The following SUN3 variants were observed in gnomAD, a reference collection of about 807,000 sequenced individuals.
The protein encoded by SUN3 is SUN domain-containing protein 3.
Under a neutral mutation model 48.2 loss-of-function variants are expected in SUN3, and 36 were observed. The observed-to-expected ratio is 0.75, with a 90% CI of 0.57 to 0.99. SUN3 has a LOEUF of 0.99. Ranked by LOEUF, SUN3 falls within the 50% of genes least tolerant of loss-of-function variation. SUN3 has a pLI of 0.00. For missense variants in SUN3, 419 were observed against 433.1 expected (o/e 0.97, Z 0.29); for synonymous variants, 148 against 147.9 (o/e 1.00, Z 0.00).
intron 6 of SUN3, among the ~76,000 whole-genome samples, chr7:47,999,709 A>G (rs756881812): frequency 6.6e-6 from 1 of 151,782 alleles, no homozygotes; most frequent in Admixed American, 6.6e-5. Flanking sequence ...GCTGTTTTGT[A>G]TTTTTAGTAC....
upstream of SUN3, among the ~76,000 whole-genome samples, chr7:48,033,826 C>T (rs1218452877): frequency 3.3e-5 from 5 of 152,104 alleles, no homozygotes; most frequent in African/African-American, 7.2e-5. Flanking sequence ...GAGGCCGAGG[C>T]AGGTGGATCA....
chr7:47,991,654 A>G (rs927388560), intron 8 of SUN3, among the ~76,000 whole-genome samples: 22 of 152,214 alleles, frequency 1.4e-4, no homozygotes, highest in African/African-American at 5.3e-4. Flanking sequence ...AAAAACCAAA[A>G]AGTGAAGATG....
chr7:48,003,587 C>G (rs911791912), intron 6 of SUN3, among the ~76,000 whole-genome samples: 1 of 152,102 alleles, frequency 6.6e-6, no homozygotes. Flanking sequence ...TTTCTTTAAG[C>G]AATGGTTTAT....
At chr7:47,997,869 T>C (rs1028566667) in intron 6 of SUN3, among the ~76,000 whole-genome samples, 1 of 152,262 alleles carries the variant, frequency 6.6e-6, no homozygotes, top group African/African-American at 2.4e-5. Flanking sequence ...GCTACTTTCA[T>C]TTAGCCAATG....
chr7:48,031,348 G>A (rs778228994), upstream of SUN3, among the ~76,000 whole-genome samples: 12 of 152,302 alleles, frequency 7.9e-5, no homozygotes, highest in East Asian at 5.8e-4. Flanking sequence ...CCTCACAGCT[G>A]TTAGGATGGC....
At chr7:48,018,705 G>A (rs1392014791) in intron 2 of SUN3, 1 of 152,854 alleles carries the variant, frequency 6.5e-6, no homozygotes, top group Non-Finnish European at 1.5e-5. Flanking sequence ...CAAACCCTGG[G>A]GAAGAGGGAA....
intron 7 of SUN3, among the ~76,000 whole-genome samples, chr7:47,995,174 G>A (rs1789173881): frequency 1.3e-5 from 2 of 151,462 alleles, no homozygotes; most frequent in Non-Finnish European, 2.9e-5. Context: ...GGTGGTGACA[G>A]TGATAGTGGT....
chr7:47,996,688 A>G (rs1753380474), intron 6 of SUN3, among the ~76,000 whole-genome samples: 1 of 152,098 alleles, frequency 6.6e-6, no homozygotes, highest in Non-Finnish European at 1.5e-5. Context: ...TTTATACAGA[A>G]TAAATAAAGA....
intron 8 of SUN3, among the ~76,000 whole-genome samples, chr7:47,990,403 A>G (rs1163865548): frequency 6.6e-6 from 1 of 151,788 alleles, no homozygotes. Flanking sequence ...TCTCTCCACT[A>G]TTACCCTATT....
Position 47,989,607 on chromosome 7 carries a change from C to A in SUN3, c.862-727G>T, listed in dbSNP as rs537055646. On this transcript the variant is annotated intron_variant, in intron 8 of 9. Coordinates refer to ENST00000297325, the MANE Select transcript of SUN3 (RefSeq NM_001030019.2). ...CATTTTATAATAAAAATATTAATATCAAACTATAACATTTTTATTAAAAGA... is the reference window on the plus strand; with the variant it reads ...CATTTTATAATAAAAATATTAATATAAAACTATAACATTTTTATTAAAAGA... Among the ~76,000 whole-genome samples, 5 of 152,200 alleles carry A rather than the reference C, an allele frequency of 3.3e-5. No individual in the cohort carries two copies. In the East Asian group the frequency reaches 9.6e-4, roughly 29 times the overall value.
intron 2 of SUN3, among the ~76,000 whole-genome samples, chr7:48,023,384 A>T (rs747217744): frequency 3.9e-5 from 6 of 152,122 alleles, no homozygotes; most frequent in Non-Finnish European, 8.8e-5. Flanking sequence ...GTAGGGTCTC[A>T]GTTGAAATCC....
chr7:48,005,831 T>G, intron 6 of SUN3, 138 bp downstream of exon 6: 1 of 521,854 alleles, frequency 1.9e-6, no homozygotes. Flanking sequence ...CTCTTCTTTA[T>G]TATCTAAATT....
intron 2 of SUN3, among the ~76,000 whole-genome samples, chr7:48,022,569 A>T (rs533349974): frequency 6.6e-6 from 1 of 152,188 alleles, no homozygotes; most frequent in Non-Finnish European, 1.5e-5. Context: ...AAATTAAAAA[A>T]TTTTAAATTT....
the SUN3 span, among the ~76,000 whole-genome samples, chr7:48,034,359 T>C: frequency 6.6e-6 from 1 of 152,204 alleles, no homozygotes; most frequent in Non-Finnish European, 1.5e-5. Flanking sequence ...CCTGCTAGAT[T>C]TCTAAGGCTA....
chr7:47,987,423 A>G lies in SUN3; in HGVS notation c.981T>C (p.Cys327=), dbSNP rs1788931069. The change falls in exon 10 of 10, where the codon TGT becomes TGC. Residue 327 remains cysteine (C), a synonymous_variant. Transcript: ENST00000297325. ...LQHAVSEYLL[C]VKLNIFSNWG... Reference sequence around the variant, plus strand: ...AGTTGCTAAAGATATTAAGTTTCACACATAATAAATATTCAGAAACTGCAT... The same window carrying G: ...AGTTGCTAAAGATATTAAGTTTCACGCATAATAAATATTCAGAAACTGCAT... The G allele has an allele frequency of 1.9e-6, 3 of 1,586,326 alleles. No individual in the cohort carries two copies. Among genetic ancestry groups the G allele is most frequent in the Non-Finnish European group, 2.6e-6 (3 of 1,168,528 alleles).
At chr7:48,001,840 C>T (rs1789386504) in intron 6 of SUN3, among the ~76,000 whole-genome samples, 1 of 152,088 alleles carries the variant, frequency 6.6e-6, no homozygotes, top group Admixed American at 6.5e-5. Flanking sequence ...CTGGCCAGTT[C>T]CATGTCTTTT....
Position 48,007,153 on chromosome 7 carries a change from C to G in SUN3, c.492+12G>C. The G allele has an allele frequency of 6.2e-7, 1 of 1,611,084 alleles. No individual in the cohort carries two copies. Among genetic ancestry groups the G allele is most frequent in the South Asian group, 1.1e-5 (1 of 90,532 alleles). On this transcript the variant is annotated intron_variant, in intron 5 of 9. Transcript: ENST00000297325. ...CCCCACCCTGCCCAACCCGCCTAGC[C>G]TCATCCAGGACCTCTGTGTGGTCCG...
At chr7:48,035,225 G>A in the SUN3 span, among the ~76,000 whole-genome samples, 20 of 152,270 alleles carry the variant, frequency 1.3e-4, no homozygotes, top group Admixed American at 4.6e-4. This position sits in a 1 kb window ranked among gnomAD's most constrained non-coding sequence, Gnocchi z 4.0. Context: ...GAGGACTGAG[G>A]CCTGACTCTC....
chr7:48,026,150 T>TA (rs1304369191), intron 1 of SUN3, among the ~76,000 whole-genome samples: 1 of 152,100 alleles, frequency 6.6e-6, no homozygotes, highest in Non-Finnish European at 1.5e-5. Context: ...CCAGCATATA[T>TA]GAGTGCGCAT....
Sources: gnomAD v4.1 joint callset for allele counts (sites outside exome capture counted in the v4.1 genomes callset) on GRCh38, gnomAD v4.1.1 for gene constraint, Gnocchi (gnomAD v3.1) non-coding constraint, MANE v1.5 for transcripts, NCBI Gene and HGNC (gene_info 2026-07-23, HGNC 2026-07-21) for gene names.